The following CCL23 variants were observed in gnomAD, a reference collection of about 807,000 sequenced individuals.
CCL23 encodes C-C motif chemokine ligand 23.
A neutral mutation model predicts 11.8 loss-of-function variants in CCL23; 10 were observed. The observed-to-expected ratio is 0.84, with a 90% confidence interval of 0.52 to 1.43. CCL23 has a LOEUF of 1.43. Ranked by LOEUF, CCL23 falls within the 40% of genes most tolerant of loss-of-function variation. CCL23 has a pLI of 0.00. For missense variants in CCL23, 181 were observed against 170.9 expected, an observed-to-expected ratio of 1.06 and a Z score of -0.33; for synonymous variants, 60 against 61.0, an observed-to-expected ratio of 0.98 and a Z score of 0.07.
chr17:36,013,364 CA>C (rs1255088960), intron 3 of CCL23, 56 bp from the exon 4 acceptor site: 1 of 1,153,082 alleles, frequency 8.7e-7, no homozygotes, highest in African/African-American at 1.5e-5. Context: ...CACATGGGGA[CA>C]GGGGGCCCCA....
At chr17:36,013,362 G>T in intron 3 of CCL23, 54 bp from the exon 4 acceptor site, 3 of 1,203,642 alleles carry the variant, frequency 2.5e-6, no homozygotes, top group Non-Finnish European at 3.7e-6. Context: ...AGCACATGGG[G>T]ACAGGGGGCC....
Position 36,013,816 on chromosome 17 carries a change from G to C in CCL23, c.230C>G (p.Pro77Arg). 4 of 1,614,150 alleles carry C rather than the reference G, an allele frequency of 2.5e-6. No homozygotes were observed. Among genetic ancestry groups the C allele is most frequent in the Non-Finnish European group, 2.5e-6 (3 of 1,179,974 alleles). The change falls in exon 3 of 4, where the codon CCA becomes CGA. Residue 77 changes from proline to arginine, a missense_variant. Pro to Arg is a moderately radical substitution (Grantham distance 103). Coordinates refer to ENST00000615050, the MANE Select transcript of CCL23 (RefSeq NM_005064.6). ...CAGGAGTGAACACGGGATGCTTCGT[G>C]GGGTGTAGGAGATGCAGCAGTCAGC... is the stretch of plus-strand genomic sequence containing the variant. ...TSADCCISYT[P>R]RSIPCSLLES...
At chr17:36,014,010 G>T in intron 2 of CCL23, 101 bp from the exon 3 acceptor site, 2 of 1,242,052 alleles carry the variant, frequency 1.6e-6, no homozygotes, top group Non-Finnish European at 2.3e-6. Context: ...TCAGAGTTGA[G>T]CTGTGTGTCT....
At chr17:36,016,143 C>CT (rs1282976608) in intron 1 of CCL23, among the ~76,000 whole-genome samples, 2 of 151,378 alleles carry the variant, frequency 1.3e-5, no homozygotes, top group African/African-American at 4.8e-5. Flanking sequence ...TAGACTTTTT[C>CT]TTTTTTTAAA....
In CCL23 at chr17:36,013,424, CT is replaced by C. The variant is rs765028000; in HGVS notation, c.303-117del. 1.6e-3 allele frequency: 949 copies of C among 580,268 alleles called. 1 individual carries two copies. The highest frequency in any genetic ancestry group is 2.7e-3 in the South Asian group (120 of 43,914). 35.9% of individuals were successfully genotyped at this position (580,268 alleles called of 1,614,324 possible). ...CAGTCAATATAGCCAGTTTTTTTTT[CT>C]TTTTTTTTTCATTCTCTGCTGATGG... On this transcript the variant is annotated intron_variant, in intron 3 of 3. Coordinates refer to ENST00000615050, the MANE Select transcript of CCL23 (RefSeq NM_005064.6).
chr17:36,013,220 G>A lies in CCL23; in HGVS notation c.391C>T (p.Arg131Trp), dbSNP rs202213083. The A allele has an allele frequency of 4.2e-5, 68 of 1,611,620 alleles. No homozygotes were observed. The highest frequency in any genetic ancestry group is 5.1e-5 in the Non-Finnish European group (60 of 1,177,876). The change falls in exon 4 of 4, where the codon CGG becomes TGG. Residue 131 changes from arginine (R) to tryptophan (W), a missense_variant. Physicochemically the swap from Arg to Trp is moderately radical, Grantham distance 101. Coordinates refer to ENST00000615050, the MANE Select transcript of CCL23 (RefSeq NM_005064.6). ...GTTCAATTCTTCCTGGTCTTGATCC[G>A]TGTGTCCAGCTTCAGCATTCTCATG... ...VCMRMLKLDT[R>W]IKTRKN
intron 2 of CCL23, 152 bp from the exon 3 acceptor site, chr17:36,014,061 TC>T (rs2142024627): frequency 2.6e-6 from 2 of 780,610 alleles, no homozygotes; most frequent in Admixed American, 2.6e-5. Flanking sequence ...CAGGAAAATT[TC>T]CCCTAGAAGG....
At position 36,013,097 on chromosome 17, in the gene CCL23, A is replaced by G. The variant is rs977990206; in HGVS notation, c.*100T>C. ...TTATTAGATGAATTGCTCTAAATCC[A>G]GAACACAAGAATAAATGCTTCTTAA... On this transcript the variant is annotated 3_prime_UTR_variant, in exon 4 of 4. Transcript: ENST00000615050. 2.7e-6 allele frequency: 2 copies of G among 732,454 alleles called. No individual in the cohort carries two copies. The highest frequency in any genetic ancestry group is 3.4e-5 in the African/African-American group (2 of 58,148). 45.4% of individuals were successfully genotyped at this position (732,454 alleles called of 1,614,324 possible).
At chr17:36,015,551 A>C (rs1397454656) in intron 1 of CCL23, among the ~76,000 whole-genome samples, 1 of 152,214 alleles carries the variant, frequency 6.6e-6, no homozygotes, top group Non-Finnish European at 1.5e-5. Flanking sequence ...TATCATATTA[A>C]CTTTTTAAAA....
chr17:36,013,290 C>T lies in CCL23; in HGVS notation c.321G>A (p.Gly107=). 2.5e-6 allele frequency: 4 copies of T among 1,613,338 alleles called. No individual in the cohort carries two copies. Among genetic ancestry groups the T allele is most frequent in the Non-Finnish European group, 3.4e-6 (4 of 1,179,384 alleles). Residue 107 remains glycine, a synonymous_variant, in exon 4 of 4, where the codon GGG becomes GGA. Coordinates refer to ENST00000615050, the MANE Select transcript of CCL23 (RefSeq NM_005064.6). The part of the protein sequence containing the change: ...KPGVIFLTKK[G]RRFCANPSDK... ...CACTGGGGTTGGCACAGAAACGTCGCCCCTTCTTGGTGAGGAAGCTAGGGA... is the reference window on the plus strand; with the variant it reads ...CACTGGGGTTGGCACAGAAACGTCGTCCCTTCTTGGTGAGGAAGCTAGGGA...
chr17:36,014,956 TTATATA>T (rs61365945), intron 1 of CCL23, among the ~76,000 whole-genome samples: 2 of 149,570 alleles, frequency 1.3e-5, no homozygotes, highest in Non-Finnish European at 3.0e-5. Context: ...TAAATCGTGG[TTATATA>T]TATATATATA....
At chr17:36,017,191 A>G (rs2090104054) in intron 1 of CCL23, among the ~76,000 whole-genome samples, 1 of 152,186 alleles carries the variant, frequency 6.6e-6, no homozygotes, top group Non-Finnish European at 1.5e-5. Context: ...ATAATATGAA[A>G]AACCATATAA....
rs772169076 is a variant in CCL23, at chr17:36,014,375, ATG to A, written c.93_94del (p.Met32AspfsTer36). The A allele has an allele frequency of 2.5e-6, 4 of 1,613,504 alleles. No homozygotes were observed. The East Asian group carries it at 8.9e-5, about 36-fold the overall frequency. ...ATTTTCCAATGGAAGCTTTGACATCATGAACTCTGTCTCTGCATCTGGAAGAA... is the reference window on the plus strand; with the variant it reads ...ATTTTCCAATGGAAGCTTTGACATCAAACTCTGTCTCTGCATCTGGAAGAA... On this transcript the variant is annotated frameshift_variant, in exon 2 of 4. Coordinates refer to ENST00000615050, the MANE Select transcript of CCL23 (RefSeq NM_005064.6). LOFTEE classifies it high-confidence loss of function.
Position 36,013,156 on chromosome 17 carries a change from A to C in CCL23, c.*41T>G, listed in dbSNP as rs200669500. 1.7e-6 allele frequency: 2 copies of C among 1,202,938 alleles called. No homozygotes were observed. Among genetic ancestry groups the C allele is most frequent in the African/African-American group, 1.5e-5 (1 of 68,594 alleles). The allele number at this position is 1,202,938 out of a possible 1,614,324, so 74.5% of individuals were successfully genotyped here. A position where few individuals can be genotyped will look rare whatever the true frequency, so the allele number is the denominator to read the frequency against. On this transcript the variant is annotated 3_prime_UTR_variant, in exon 4 of 4. Transcript: ENST00000615050. Reference sequence around the variant, plus strand: ...TTCAGGAAGGTAGTTGAGGCAAGAAAGTTGGTGGCTGGCAACTTGTGTCCC... The same window carrying C: ...TTCAGGAAGGTAGTTGAGGCAAGAACGTTGGTGGCTGGCAACTTGTGTCCC...
At chr17:36,015,248 T>C (rs1233729628) in intron 1 of CCL23, among the ~76,000 whole-genome samples, 10 of 152,238 alleles carry the variant, frequency 6.6e-5, no homozygotes, top group Admixed American at 3.3e-4. Context: ...CATAATGTCC[T>C]TGATGTTTAT....
chr17:36,015,545 A>G (rs192128202), intron 1 of CCL23, among the ~76,000 whole-genome samples: 39 of 152,330 alleles, frequency 2.6e-4, no homozygotes, highest in African/African-American at 8.7e-4. Context: ...GCATCATATC[A>G]TATTAACTTT....
chr17:36,017,620 T>G (rs182128248), intron 1 of CCL23, among the ~76,000 whole-genome samples: 1 of 152,224 alleles, frequency 6.6e-6, no homozygotes, highest in Admixed American at 6.5e-5. Flanking sequence ...TGGCCCCACA[T>G]TGGACCAGCC....
At chr17:36,016,990 CAT>C (rs1290909227) in intron 1 of CCL23, among the ~76,000 whole-genome samples, 5 of 151,880 alleles carry the variant, frequency 3.3e-5, no homozygotes, top group Admixed American at 6.6e-5. Flanking sequence ...TGTAATGAGA[CAT>C]GTGGGTATAT....
chr17:36,017,770 A>G, intron 1 of CCL23, 52 bp downstream of exon 1: 1 of 1,547,952 alleles, frequency 6.5e-7, no homozygotes, highest in Non-Finnish European at 8.9e-7. Context: ...TCTGCCACAG[A>G]GCTTGAGTTA....
Sources: gnomAD v4.1 joint callset for allele counts (sites outside exome capture counted in the v4.1 genomes callset) on GRCh38, gnomAD v4.1.1 for gene constraint, MANE v1.5 for transcripts, NCBI Gene and HGNC (gene_info 2026-07-23, HGNC 2026-07-21) for gene names.